Variants in EPB41L4A observed in about 807,000 individuals in gnomAD.
The protein encoded by EPB41L4A is erythrocyte membrane protein band 4.1 like 4A, also known as band 4.1-like protein 4A.
A neutral mutation model predicts 108.6 loss-of-function variants in EPB41L4A; 100 were observed. The ratio of observed to expected loss-of-function variants is 0.92; its 90% CI spans 0.78 to 1.09. The LOEUF (loss-of-function observed/expected upper bound fraction) is 1.09. Ranked by LOEUF, EPB41L4A falls within the 50% of genes least tolerant of loss-of-function variation. EPB41L4A has a pLI of 0.00. For synonymous variants in EPB41L4A, 319 were observed against 289.0 expected (o/e 1.10, Z -1.05); for missense variants, 1,030 against 842.7 (o/e 1.22, Z -2.75).
chr5:112,277,505 C>T (rs1005610679), intron 3 of EPB41L4A, among the ~76,000 whole-genome samples: 6 of 152,052 alleles, frequency 3.9e-5, no homozygotes, highest in Non-Finnish European at 5.9e-5. Context: ...TCATAATGTA[C>T]GAAAATGTTT....
intron 18 of EPB41L4A, among the ~76,000 whole-genome samples, chr5:112,180,491 TG>T (rs1449804381): frequency 1.3e-5 from 2 of 152,166 alleles, no homozygotes; most frequent in African/African-American, 4.8e-5. Context: ...GTGGTGGAAC[TG>T]GATAGACTAC....
intron 1 of EPB41L4A, among the ~76,000 whole-genome samples, chr5:112,342,273 T>C (rs540817918): frequency 6.6e-6 from 1 of 152,352 alleles, no homozygotes; most frequent in South Asian, 2.1e-4. Flanking sequence ...CTCACCAATT[T>C]CCATTCCTGT....
chr5:112,142,069 C>G (rs537571165), downstream of EPB41L4A, among the ~76,000 whole-genome samples: 3 of 152,316 alleles, frequency 2.0e-5, no homozygotes, highest in East Asian at 5.8e-4. Context: ...ACCAGACTCT[C>G]TGTGCCTTGT....
chr5:112,289,147 T>G (rs570771008), intron 2 of EPB41L4A, among the ~76,000 whole-genome samples: 2 of 152,154 alleles, frequency 1.3e-5, no homozygotes, highest in South Asian at 4.1e-4. Context: ...CAGTATATGG[T>G]GTAGTGATGG....
chr5:112,358,313 G>A (rs139018503), intron 1 of EPB41L4A, among the ~76,000 whole-genome samples: 1 of 152,224 alleles, frequency 6.6e-6, no homozygotes, highest in African/African-American at 2.4e-5. Context: ...TGTTTTTCAG[G>A]GATTGGTTAT....
intron 15 of EPB41L4A, among the ~76,000 whole-genome samples, chr5:112,195,955 A>G (rs1761947900): frequency 6.6e-6 from 1 of 152,192 alleles, no homozygotes; most frequent in Non-Finnish European, 1.5e-5. Flanking sequence ...TAATCCAATG[A>G]TGAGGTTAGT....
intron 1 of EPB41L4A, among the ~76,000 whole-genome samples, chr5:112,383,927 A>T (rs1303640390): frequency 6.6e-6 from 1 of 152,238 alleles, no homozygotes; most frequent in African/African-American, 2.4e-5. Context: ...GTAAAAAAAT[A>T]AAGTTAGCCA....
chr5:112,286,463 T>C (rs936663580), intron 2 of EPB41L4A, among the ~76,000 whole-genome samples: 3 of 152,178 alleles, frequency 2.0e-5, no homozygotes, highest in Non-Finnish European at 4.4e-5. Context: ...TGACACTTTC[T>C]CCTCTGTCCT....
chr5:112,214,621 C>A (rs1048340299), intron 12 of EPB41L4A, among the ~76,000 whole-genome samples: 2 of 152,092 alleles, frequency 1.3e-5, no homozygotes, highest in African/African-American at 2.4e-5. Context: ...AAAAATTTAG[C>A]CAGGTGTGGT....
intron 1 of EPB41L4A, among the ~76,000 whole-genome samples, chr5:112,399,855 C>T (rs114652982): frequency 6.6e-6 from 1 of 152,338 alleles, no homozygotes; most frequent in South Asian, 2.1e-4. Flanking sequence ...CATCCCTTCA[C>T]CCCCTTTGAC....
chr5:112,237,108 C>T (rs1027537188), intron 11 of EPB41L4A, among the ~76,000 whole-genome samples: 4 of 152,262 alleles, frequency 2.6e-5, no homozygotes, highest in African/African-American at 9.6e-5. Flanking sequence ...GAGCACCCCA[C>T]AACTTAATGA....
chr5:112,354,952 T>C (rs77743460), intron 1 of EPB41L4A, among the ~76,000 whole-genome samples: 3,687 of 152,248 alleles, frequency 0.024, 135 homozygotes, highest in African/African-American at 0.084. Flanking sequence ...GAAAGAAGTA[T>C]TTTATCTGAT....
intron 1 of EPB41L4A, among the ~76,000 whole-genome samples, chr5:112,342,042 A>T (rs997816129): frequency 6.6e-6 from 1 of 152,208 alleles, no homozygotes; most frequent in Non-Finnish European, 1.5e-5. Context: ...GAATTCACGA[A>T]ACATTATGCA....
At chr5:112,360,924 C>G (rs1465404006) in intron 1 of EPB41L4A, among the ~76,000 whole-genome samples, 5 of 152,070 alleles carry the variant, frequency 3.3e-5, no homozygotes, top group African/African-American at 4.8e-5. Flanking sequence ...TGCCCCGCCG[C>G]CACTCCGTCT....
chr5:112,234,816 C>G, intron 11 of EPB41L4A, 61 bp from the exon 12 acceptor site: 1 of 1,538,688 alleles, frequency 6.5e-7, no homozygotes, highest in Non-Finnish European at 8.8e-7. Flanking sequence ...AATTAAACAA[C>G]AGGTCATTCA....
At chr5:112,360,211 C>G (rs990915827) in intron 1 of EPB41L4A, among the ~76,000 whole-genome samples, 1 of 152,086 alleles carries the variant, frequency 6.6e-6, no homozygotes, top group Non-Finnish European at 1.5e-5. Flanking sequence ...TCACTTGAGT[C>G]CAGGAGTTTG....
At chr5:112,369,276 A>C (rs1759334010) in intron 1 of EPB41L4A, among the ~76,000 whole-genome samples, 1 of 152,136 alleles carries the variant, frequency 6.6e-6, no homozygotes, top group African/African-American at 2.4e-5. Context: ...GTACCAGTTC[A>C]ATTTCTTATT....
chr5:112,231,647 C>T (rs1056981622), intron 12 of EPB41L4A, among the ~76,000 whole-genome samples: 2 of 150,850 alleles, frequency 1.3e-5, no homozygotes, highest in African/African-American at 2.4e-5. Flanking sequence ...TAGCCGGGCG[C>T]GGTGGCGGGC....
At chr5:112,158,570 C>T (rs79787159), downstream of EPB41L4A, 1,000 of 173,582 alleles carry the variant, frequency 5.8e-3, 35 homozygotes, top group East Asian at 0.1. Context: ...AAGACATACC[C>T]GAGACTGGAT....
Sources: gnomAD v4.1 joint callset for allele counts (sites outside exome capture counted in the v4.1 genomes callset) on GRCh38, gnomAD v4.1.1 for gene constraint, MANE v1.5 for transcripts, NCBI Gene and HGNC (gene_info 2026-07-23, HGNC 2026-07-21) for gene names.